ADGB: variants seen among roughly 807,000 people sequenced by gnomAD.
ADGB encodes calpain-7-like protein.
ADGB carries 172 observed loss-of-function variants against 210.5 expected under a neutral mutation model. The ratio of observed to expected loss-of-function variants is 0.82; its 90% CI spans 0.72 to 0.93. The LOEUF is 0.93. ADGB is among the 40% of genes least tolerant of loss of function. ADGB has a pLI of 0.00. For synonymous variants in ADGB, 658 were observed against 662.7 expected (o/e 0.99, Z 0.11); for missense variants, 2,025 against 1,964.8 (o/e 1.03, Z -0.58).
chr6:146,722,421 C>A (rs1583606566), intron 17 of ADGB, among the ~76,000 whole-genome samples: 1 of 152,136 alleles, frequency 6.6e-6, no homozygotes, highest in South Asian at 2.1e-4. Context: ...CCTCATCTTA[C>A]TTTCCTGGAA....
chr6:146,672,170 G>GAAA, intron 7 of ADGB, 50 bp from the exon 8 acceptor site: 4 of 1,115,720 alleles, frequency 3.6e-6, no homozygotes, highest in Admixed American at 3.4e-5. Flanking sequence ...GAAGTTCAAG[G>GAAA]AAAAAAAAAA....
chr6:146,779,864 A>AT (rs907471059), intron 29 of ADGB, among the ~76,000 whole-genome samples: 7 of 5,884 alleles, frequency 1.2e-3, no homozygotes, highest in Non-Finnish European at 2.2e-3. Flanking sequence ...TTCCAGCTAT[A>AT]AAAAAAAAAA....
chr6:146,785,507 A>G, intron 31 of ADGB, 103 bp from the exon 32 acceptor site: 1 of 783,598 alleles, frequency 1.3e-6, no homozygotes, highest in Non-Finnish European at 2.0e-6. Context: ...TTTAATTCAC[A>G]TTTTCCTGTT....
chr6:146,735,621 T>C (rs1777068379), intron 22 of ADGB, among the ~76,000 whole-genome samples: 2 of 152,222 alleles, frequency 1.3e-5, no homozygotes, highest in Non-Finnish European at 2.9e-5. Flanking sequence ...ATTCAAACCA[T>C]GCATATGGTA....
At chr6:146,701,961 A>G (rs1776498410) in intron 13 of ADGB, among the ~76,000 whole-genome samples, 1 of 152,000 alleles carries the variant, frequency 6.6e-6, no homozygotes, top group Non-Finnish European at 1.5e-5. Context: ...AATATAATAT[A>G]AAATATTGTG....
intron 27 of ADGB, among the ~76,000 whole-genome samples, chr6:146,754,171 C>G (rs1777366615): frequency 6.6e-6 from 1 of 151,134 alleles, no homozygotes; most frequent in Admixed American, 6.6e-5. Flanking sequence ...TCCAATGTAT[C>G]TGCATAAATT....
chr6:146,622,620 G>T (rs1478229763), intron 1 of ADGB, among the ~76,000 whole-genome samples: 3 of 152,146 alleles, frequency 2.0e-5, no homozygotes, highest in Admixed American at 6.6e-5. Context: ...GCTGTAAGGG[G>T]TACAAACCTT....
At chr6:146,756,003 C>G (rs959996687) in intron 27 of ADGB, among the ~76,000 whole-genome samples, 2 of 152,032 alleles carry the variant, frequency 1.3e-5, no homozygotes, top group Admixed American at 1.3e-4. Flanking sequence ...CAGAGCAATA[C>G]AGATTCCAGT....
intron 1 of ADGB, among the ~76,000 whole-genome samples, chr6:146,624,975 C>G (rs1780951295): frequency 6.6e-6 from 1 of 151,808 alleles, no homozygotes; most frequent in Admixed American, 6.6e-5. Context: ...TTGAGACATT[C>G]TATGTATTAA....
At chr6:146,600,926 G>GCACA (rs35082520) in intron 1 of ADGB, among the ~76,000 whole-genome samples, 90 of 144,570 alleles carry the variant, frequency 6.2e-4, no homozygotes, top group South Asian at 1.8e-3. Flanking sequence ...TCCCCCATGC[G>GCACA]CACACACACA....
intron 33 of ADGB, among the ~76,000 whole-genome samples, chr6:146,794,224 TAAG>T (rs1011616576): frequency 2.0e-5 from 3 of 152,142 alleles, no homozygotes; most frequent in Admixed American, 6.5e-5. Flanking sequence ...AAGTTCCACA[TAAG>T]AAGAATATGC....
At chr6:146,688,447 G>C (rs117689918) in intron 10 of ADGB, among the ~76,000 whole-genome samples, 1 of 152,106 alleles carries the variant, frequency 6.6e-6, no homozygotes, top group Non-Finnish European at 1.5e-5. Flanking sequence ...GAAATCTTAC[G>C]TTGGAAAGTT....
Position 146,654,222 on chromosome 6 carries a change from T to C in ADGB, c.402+16T>C. On this transcript the variant is annotated intron_variant, in intron 4 of 35. Transcript: ENST00000397944. The stretch of plus-strand genomic sequence containing the variant: ...CTGCAGCGAGGTATGTACAGAAATA[T>C]GAACTAAAGTCTCACCATGAAATGA... The C allele has an allele frequency of 1.3e-6, 2 of 1,517,942 alleles. No homozygotes were observed. The highest frequency in any genetic ancestry group is 1.8e-6 in the Non-Finnish European group (2 of 1,120,052). 94.0% of individuals were successfully genotyped at this position (1,517,942 alleles called of 1,614,324 possible). A position where few individuals can be genotyped will look rare whatever the true frequency, so the allele number is the denominator to read the frequency against.
At chr6:146,748,662 T>C (rs896927755) in intron 26 of ADGB, among the ~76,000 whole-genome samples, 1 of 152,152 alleles carries the variant, frequency 6.6e-6, no homozygotes, top group Non-Finnish European at 1.5e-5. Context: ...CATGGCTCAC[T>C]AAAAACTAAC....
intron 8 of ADGB, among the ~76,000 whole-genome samples, chr6:146,674,241 CAACCCT>C (rs1776054323): frequency 6.6e-6 from 1 of 152,122 alleles, no homozygotes; most frequent in Non-Finnish European, 1.5e-5. Context: ...AATGTATAAA[CAACCCT>C]GTGAGAAGCT....
chr6:146,658,982 G>A (rs1477433539), intron 5 of ADGB, among the ~76,000 whole-genome samples: 4 of 152,188 alleles, frequency 2.6e-5, no homozygotes, highest in African/African-American at 9.6e-5. Context: ...TTTCTGATTA[G>A]TAGAATCTGT....
intron 17 of ADGB, among the ~76,000 whole-genome samples, chr6:146,722,054 G>A (rs534620100): frequency 3.0e-4 from 46 of 152,026 alleles, no homozygotes; most frequent in African/African-American, 1.1e-3. Context: ...CACTCAATCT[G>A]TTAGTGTTGT....
chr6:146,754,346 C>T (rs1172599290), intron 27 of ADGB, among the ~76,000 whole-genome samples: 1 of 151,246 alleles, frequency 6.6e-6, no homozygotes, highest in East Asian at 1.9e-4. Flanking sequence ...TATTCAAACC[C>T]GAATGGCTCT....
chr6:146,664,432 T>G (rs1365626387), intron 6 of ADGB, 92 bp downstream of exon 6: 2 of 1,302,836 alleles, frequency 1.5e-6, no homozygotes, highest in South Asian at 3.4e-5. Flanking sequence ...TTTTTAAAAT[T>G]AGCTAAAAGA....
Sources: gnomAD v4.1 joint callset for allele counts (sites outside exome capture counted in the v4.1 genomes callset) on GRCh38, gnomAD v4.1.1 for gene constraint, MANE v1.5 for transcripts, NCBI Gene and HGNC (gene_info 2026-07-23, HGNC 2026-07-21) for gene names.